MICAL3: variants seen among roughly 807,000 people sequenced by gnomAD.
MICAL3 encodes microtubule associated monooxygenase, calponin and LIM domain containing 3, also known as [F-actin]-monooxygenase MICAL3.
A neutral mutation model predicts 207.4 loss-of-function variants in MICAL3; 62 were observed. The observed-to-expected ratio is 0.30, with a 90% confidence interval of 0.24 to 0.37. The LOEUF is 0.37. Among genes scored for constraint, MICAL3 ranks in the 10% least tolerant of loss-of-function variants. MICAL3 has a pLI of 1.00. For synonymous variants in MICAL3, 1,077 were observed against 1,069.3 expected, an observed-to-expected ratio of 1.01 and a Z score of -0.14; for missense variants, 2,368 against 2,635.6, an observed-to-expected ratio of 0.90 and a Z score of 2.22.
At chr22:17,812,442 G>A (rs437773) in intron 27 of MICAL3, 240,101 of 882,202 alleles carry the variant, frequency 0.27, 32,906 homozygotes, top group Admixed American at 0.28. Flanking sequence ...GGCCGGGGCC[G>A]GCGCCGGGTG....
chr22:17,860,811 G>T, intron 19 of MICAL3: 5 of 985,448 alleles, frequency 5.1e-6, no homozygotes, highest in Non-Finnish European at 6.0e-6. Flanking sequence ...CTGCCCGTAC[G>T]CTGCTGTGCA....
chr22:17,894,567 G>A (rs547520518), intron 10 of MICAL3, among the ~76,000 whole-genome samples: 6 of 151,662 alleles, frequency 4.0e-5, no homozygotes, highest in Non-Finnish European at 5.9e-5. Context: ...GGCCAGGCAC[G>A]GTGGGCAGAT....
chr22:17,994,548 C>T (rs1340077798), intron 1 of MICAL3, among the ~76,000 whole-genome samples: 1 of 152,108 alleles, frequency 6.6e-6, no homozygotes, highest in Non-Finnish European at 1.5e-5. Context: ...GCTTGTCTCT[C>T]CACAAAATTT....
chr22:17,883,606 G>A (rs775118498), intron 16 of MICAL3, among the ~76,000 whole-genome samples: 3 of 152,186 alleles, frequency 2.0e-5, no homozygotes, highest in Non-Finnish European at 4.4e-5. Flanking sequence ...CGGAGGAAAC[G>A]CAGCTGGGGG....
intron 28 of MICAL3, 31 bp from the exon 29 acceptor site, chr22:17,808,968 G>T: frequency 6.6e-7 from 1 of 1,523,260 alleles, no homozygotes. Flanking sequence ...TGAGCACCCG[G>T]CTCTCCAGCC....
chr22:17,903,254 C>T (rs1426877471), intron 3 of MICAL3, among the ~76,000 whole-genome samples: 6 of 152,208 alleles, frequency 3.9e-5, no homozygotes, highest in Non-Finnish European at 8.8e-5. Flanking sequence ...CCAACTAGAT[C>T]CTCCTACCAT....
Position 17,817,392 on chromosome 22 carries a change from C to T in MICAL3, c.5269G>A (p.Asp1757Asn), listed in dbSNP as rs1006225019. The stretch of plus-strand genomic sequence containing the variant: ...GAGGGGGTGCTGGGGCAGGACTTGT[C>T]GTCGGCCTTCTTCTTCTTGTCCTTC... ...YKKDKKKKADDKSCPSTPSSG... is the reference protein window; with the variant it reads ...YKKDKKKKADNKSCPSTPSSG... The change falls in exon 26 of 32, where the codon GAC (aspartate) becomes AAC (asparagine). Residue 1757 changes from aspartate (D) to asparagine (N), a missense_variant. This residue lies in a region of MICAL3 where 1,770 missense variants were observed against 1,863.2 expected (regional missense o/e 0.95). Coordinates refer to ENST00000441493, the MANE Select transcript of MICAL3 (RefSeq NM_015241.3). 8 of 1,612,940 alleles carry T rather than the reference C, an allele frequency of 5.0e-6. 1 individual carries two copies. The highest frequency in any genetic ancestry group is 3.3e-5 in the Admixed American group (2 of 59,982).
chr22:18,006,900 G>A (rs911143236), intron 1 of MICAL3, among the ~76,000 whole-genome samples: 4 of 152,226 alleles, frequency 2.6e-5, no homozygotes, highest in African/African-American at 7.2e-5. Context: ...TCAGCCACCC[G>A]GACTGGAGTG....
chr22:17,902,807 G>A lies in MICAL3; in HGVS notation c.473-60C>T. 1.8e-6 allele frequency: 2 copies of A among 1,092,614 alleles called. No homozygotes were observed. Among genetic ancestry groups the A allele is most frequent in the Non-Finnish European group, 2.7e-6 (2 of 736,682 alleles). The allele number at this position is 1,092,614 out of a possible 1,614,324, so 67.7% of individuals were successfully genotyped here. On this transcript the variant is annotated intron_variant, in intron 3 of 31. Transcript: ENST00000441493. The surrounding 1 kb of genome is among the most constrained non-coding windows in gnomAD (Gnocchi z 4.5). ...CATGGAGAAGGGGGTACCCATCCGT[G>A]TCGCAGCTCAGGCTCCCACCCCGCC...
chr22:18,008,973 T>C (rs1354834567), intron 1 of MICAL3, among the ~76,000 whole-genome samples: 1 of 152,134 alleles, frequency 6.6e-6, no homozygotes. Flanking sequence ...CAAATCTACT[T>C]CTGCATTAGT....
intron 1 of MICAL3, among the ~76,000 whole-genome samples, chr22:17,953,344 C>T (rs896114648): frequency 2.0e-4 from 30 of 152,168 alleles, no homozygotes; most frequent in African/African-American, 5.3e-4. Flanking sequence ...GATGATCGCA[C>T]GCCCTTTACT....
chr22:17,841,931 G>A lies in MICAL3; in HGVS notation c.2692C>T (p.Leu898=). The A allele has an allele frequency of 6.2e-7, 1 of 1,602,730 alleles. No individual in the cohort carries two copies. The highest frequency in any genetic ancestry group is 8.5e-7 in the Non-Finnish European group (1 of 1,176,272). Residue 898 remains leucine, a synonymous_variant, in exon 20 of 32, where the codon CTG becomes TTG. Coordinates refer to ENST00000441493, the MANE Select transcript of MICAL3 (RefSeq NM_015241.3). The surrounding 1 kb of genome is among the most constrained non-coding windows in gnomAD (Gnocchi z 4.2). ...PERIELENYR[L]SLRQAEALQE... ...AGTGCCTCAGCCTGCCTCAGGGACA[G>A]GCGGTAGTTCTCCAGCTCGATCCGC... is the stretch of plus-strand genomic sequence containing the variant.
Position 17,904,667 on chromosome 22 carries a change from T to C in MICAL3, c.437A>G (p.Tyr146Cys), listed in dbSNP as rs771762489. ...GATGGCTCCAGCACAGAACTTGCCA[T>C]AGAACTTCTTGGCACCCAGACCTCG... ...DLRGLGAKKF[Y>C]GKFCAGAIDH... Residue 146 changes from tyrosine (Y) to cysteine (C), a missense_variant, in exon 3 of 32, where the codon TAT (tyrosine) becomes TGT (cysteine). Physicochemically the swap from Tyr to Cys is radical, Grantham distance 194. This residue lies in a region of MICAL3 where 400 missense variants were observed against 547.0 expected (regional missense o/e 0.73). Coordinates refer to ENST00000441493, the MANE Select transcript of MICAL3 (RefSeq NM_015241.3). 39 of 1,613,916 alleles carry C rather than the reference T, an allele frequency of 2.4e-5. No individual in the cohort carries two copies. Among genetic ancestry groups the C allele is most frequent in the Admixed American group, 5.0e-5 (3 of 60,008 alleles).
chr22:18,003,159 CAA>C (rs770213307), intron 1 of MICAL3, among the ~76,000 whole-genome samples: 40 of 106,954 alleles, frequency 3.7e-4, no homozygotes, highest in East Asian at 2.3e-3. Context: ...GACTCCATCT[CAA>C]AAAAAAAAAA....
At chr22:17,954,578 T>C (rs1934520586) in intron 1 of MICAL3, among the ~76,000 whole-genome samples, 1 of 152,098 alleles carries the variant, frequency 6.6e-6, no homozygotes, top group Non-Finnish European at 1.5e-5. Context: ...AGTACATAGA[T>C]GGGCCTAGCA....
chr22:17,862,865 G>T (rs964787312), intron 19 of MICAL3: 2 of 985,358 alleles, frequency 2.0e-6, no homozygotes, highest in African/African-American at 3.5e-5. Flanking sequence ...GGGGGACAGT[G>T]CCTGTCATTA....
At chr22:17,907,660 G>A (rs560737697) in intron 1 of MICAL3, among the ~76,000 whole-genome samples, 11 of 152,328 alleles carry the variant, frequency 7.2e-5, no homozygotes, top group African/African-American at 2.4e-4. Flanking sequence ...GCAGACTCTG[G>A]AAGAGATCCA....
intron 1 of MICAL3, among the ~76,000 whole-genome samples, chr22:17,976,535 ATGTGTGTG>A (rs148517944): frequency 3.0e-4 from 29 of 97,050 alleles, no homozygotes; most frequent in Non-Finnish European, 5.0e-4. Flanking sequence ...GTGTATATAT[ATGTGTGTG>A]TGTGTGTGTG....
At chr22:17,970,573 T>C (rs1415702445) in intron 1 of MICAL3, among the ~76,000 whole-genome samples, 3 of 152,234 alleles carry the variant, frequency 2.0e-5, no homozygotes, top group Non-Finnish European at 4.4e-5. Context: ...ACTAATATCA[T>C]GTATACATTT....
Sources: gnomAD v4.1 joint callset for allele counts (sites outside exome capture counted in the v4.1 genomes callset) on GRCh38, gnomAD v4.1.1 for gene constraint, gnomAD v4.1.1 regional missense constraint, Gnocchi (gnomAD v3.1) non-coding constraint, MANE v1.5 for transcripts, NCBI Gene and HGNC (gene_info 2026-07-23, HGNC 2026-07-21) for gene names.